The following OXR1 variants were observed in gnomAD, a reference collection of about 807,000 sequenced individuals.
OXR1 encodes the protein oxidation resistance protein 1.
OXR1 carries 41 observed loss-of-function variants against 104.6 expected under a neutral mutation model. That is an observed-to-expected ratio of 0.39 (90% CI 0.31 to 0.51). The LOEUF is 0.51. Among genes scored for constraint, OXR1 ranks in the 20% least tolerant of loss-of-function variants. The pLI, the probability that OXR1 is intolerant of heterozygous loss-of-function variation, is 0.77. For missense variants in OXR1, 955 were observed against 1,031.9 expected (o/e 0.93, Z 1.02); for synonymous variants, 348 against 348.4 (o/e 1.00, Z 0.01).
At chr8:106,650,281 G>A (rs1586966280) in intron 3 of OXR1, among the ~76,000 whole-genome samples, 1 of 152,182 alleles carries the variant, frequency 6.6e-6, no homozygotes, top group Admixed American at 6.5e-5. Flanking sequence ...CTGAGGGAGA[G>A]AGAGGCTAAG....
At chr8:106,298,214 A>C (rs992480286) in intron 1 of OXR1, among the ~76,000 whole-genome samples, 3 of 152,156 alleles carry the variant, frequency 2.0e-5, no homozygotes, top group Non-Finnish European at 2.9e-5. Flanking sequence ...AGACATACCC[A>C]AGACTGGGTA....
intron 3 of OXR1, among the ~76,000 whole-genome samples, chr8:106,668,025 T>C (rs992169007): frequency 1.4e-4 from 22 of 152,028 alleles, no homozygotes; most frequent in African/African-American, 5.3e-4. Context: ...GTTTCAGTTT[T>C]AGGTGGGATA....
At chr8:106,571,941 T>A (rs1817501952) in intron 3 of OXR1, among the ~76,000 whole-genome samples, 1 of 152,174 alleles carries the variant, frequency 6.6e-6, no homozygotes, top group South Asian at 2.1e-4. Context: ...CCTTTTTGGT[T>A]TGATGCTCTG....
chr8:106,600,426 A>G (rs1819887690), intron 3 of OXR1, among the ~76,000 whole-genome samples: 1 of 152,128 alleles, frequency 6.6e-6, no homozygotes, highest in African/African-American at 2.4e-5. Context: ...GAGCACTCCT[A>G]CCAGTGGCCA....
At chr8:106,443,942 C>T (rs1223775621) in intron 2 of OXR1, among the ~76,000 whole-genome samples, 8 of 151,426 alleles carry the variant, frequency 5.3e-5, no homozygotes, top group Non-Finnish European at 8.8e-5. Context: ...GAAATCTAGC[C>T]ATCTGACAAA....
intron 2 of OXR1, among the ~76,000 whole-genome samples, chr8:106,478,221 T>C (rs1821910956): frequency 6.6e-6 from 1 of 151,852 alleles, no homozygotes; most frequent in Admixed American, 6.6e-5. Context: ...TCTACAAAGA[T>C]TGAGTGTGAC....
chr8:106,462,628 A>G (rs1820971351), intron 2 of OXR1, among the ~76,000 whole-genome samples: 3 of 152,274 alleles, frequency 2.0e-5, no homozygotes, highest in Middle Eastern at 3.4e-3. Flanking sequence ...TCCTAAAACT[A>G]ATTAATATAT....
intron 2 of OXR1, among the ~76,000 whole-genome samples, chr8:106,491,173 C>G (rs986988833): frequency 4.6e-5 from 7 of 152,198 alleles, no homozygotes; most frequent in African/African-American, 1.7e-4. Flanking sequence ...TGCCTCCTTT[C>G]TGGGAGGAGT....
intron 1 of OXR1, among the ~76,000 whole-genome samples, chr8:106,336,464 G>A (rs1050844640): frequency 6.6e-6 from 1 of 152,204 alleles, no homozygotes; most frequent in African/African-American, 2.4e-5. Context: ...TAGTCATTAA[G>A]GGATTCATTT....
intron 2 of OXR1, among the ~76,000 whole-genome samples, chr8:106,424,136 C>T (rs1244576307): frequency 1.3e-5 from 2 of 152,034 alleles, no homozygotes; most frequent in Non-Finnish European, 2.9e-5. Flanking sequence ...TGGGGTTTCA[C>T]TATTTTGGCC....
intron 2 of OXR1, among the ~76,000 whole-genome samples, chr8:106,511,231 A>C (rs1421414159): frequency 2.0e-5 from 3 of 152,138 alleles, no homozygotes; most frequent in Non-Finnish European, 4.4e-5. Context: ...GGTAACAAAA[A>C]CCCTTAATTT....
chr8:106,691,639 T>TATAC (rs1221838327), intron 6 of OXR1, among the ~76,000 whole-genome samples: 1 of 147,918 alleles, frequency 6.8e-6, no homozygotes, highest in Non-Finnish European at 1.5e-5. Context: ...TATATATATA[T>TATAC]ATACACACAC....
intron 3 of OXR1, among the ~76,000 whole-genome samples, chr8:106,594,802 T>G (rs1267170937): frequency 6.6e-6 from 1 of 152,198 alleles, no homozygotes; most frequent in Non-Finnish European, 1.5e-5. Context: ...AGCCGGGCTC[T>G]CCTCCCTTGG....
chr8:106,352,905 T>G (rs2130312606), intron 1 of OXR1, among the ~76,000 whole-genome samples: 1 of 152,368 alleles, frequency 6.6e-6, no homozygotes, highest in African/African-American at 2.4e-5. Flanking sequence ...ATAGATTTCT[T>G]ATTAAGAATT....
intron 3 of OXR1, among the ~76,000 whole-genome samples, chr8:106,615,693 C>T (rs1308791001): frequency 6.6e-6 from 1 of 151,958 alleles, no homozygotes; most frequent in Non-Finnish European, 1.5e-5. Context: ...TGCAGCTATG[C>T]TGAATGATTT....
rs187166675 is a variant in OXR1, at chr8:106,381,179, G to A, written c.23+21543G>A. 2.6e-5 allele frequency among the ~76,000 whole-genome samples: 4 copies of A among 152,284 alleles called. No individual in the cohort carries two copies. In the East Asian group the frequency reaches 5.8e-4, roughly 22 times the overall value. Reference sequence around the variant, plus strand: ...CACACAGGACTGGAACTAAATATAAGTTATTCAACCTGTGAACAATGATCT... The same window carrying A: ...CACACAGGACTGGAACTAAATATAAATTATTCAACCTGTGAACAATGATCT... On this transcript the variant is annotated intron_variant, in intron 2 of 16. Transcript: ENST00000517566.
At chr8:106,628,134 A>C (rs1175830966) in intron 3 of OXR1, among the ~76,000 whole-genome samples, 1 of 152,142 alleles carries the variant, frequency 6.6e-6, no homozygotes, top group Non-Finnish European at 1.5e-5. Flanking sequence ...ATTATGGCAC[A>C]TGTGGGTCTT....
chr8:106,402,656 T>G (rs529009983), intron 2 of OXR1, among the ~76,000 whole-genome samples: 4 of 152,310 alleles, frequency 2.6e-5, no homozygotes, highest in African/African-American at 7.2e-5. Flanking sequence ...TCTGATTATT[T>G]CTTTTCCTCA....
chr8:106,415,150 CT>C (rs141491026), intron 2 of OXR1, among the ~76,000 whole-genome samples: 159 of 152,218 alleles, frequency 1.0e-3, no homozygotes, highest in African/African-American at 3.7e-3. Flanking sequence ...CAGTGGCATG[CT>C]GTTAAAATGC....
Sources: gnomAD v4.1 joint callset for allele counts (sites outside exome capture counted in the v4.1 genomes callset) on GRCh38, gnomAD v4.1.1 for gene constraint, MANE v1.5 for transcripts, NCBI Gene and HGNC (gene_info 2026-07-23, HGNC 2026-07-21) for gene names.